Variants in NTM observed in about 807,000 individuals in gnomAD.
NTM encodes neurotrimin, also known as IgLON family member 2.
In NTM, 13 loss-of-function variants were observed where a neutral mutation model predicts 42.1. That is an observed-to-expected ratio of 0.31 (90% confidence interval 0.20 to 0.49). The LOEUF is 0.49. Ranked by LOEUF, NTM falls within the 20% of genes least tolerant of loss-of-function variation. The probability of loss-of-function intolerance (pLI) is 0.99; values close to 1 mark genes in which losing one functional copy is unlikely to be tolerated. For missense variants in NTM, 373 were observed against 452.8 expected (o/e 0.82, Z 1.60); for synonymous variants, 187 against 179.2 (o/e 1.04, Z -0.35).
chr11:131,990,151 G>A (rs1453399199), intron 2 of NTM, among the ~76,000 whole-genome samples: 2 of 151,990 alleles, frequency 1.3e-5, no homozygotes, highest in South Asian at 4.2e-4. Context: ...GAAAACCTAA[G>A]GCTGGAATTA....
intron 1 of NTM, chr11:131,660,878 G>T: frequency 4.0e-6 from 5 of 1,248,562 alleles, no homozygotes; most frequent in Non-Finnish European, 5.2e-6. Flanking sequence ...TGATTTCAAA[G>T]AACTTGTGTG....
Position 131,462,097 on chromosome 11 carries a change from GAAGA to G in NTM, c.82+91214_82+91217del, listed in dbSNP as rs550521710. Among the ~76,000 whole-genome samples the G allele has an allele frequency of 7.9e-5, 12 of 152,292 alleles. No homozygotes were observed. The South Asian group carries it at 2.3e-3, about 29-fold the overall frequency. On this transcript the variant is annotated intron_variant, in intron 1 of 8. Transcript: ENST00000683400. ...CAGCAAAATACTACTCAGCAATAAA[GAAGA>G]AAGAGTTGCTGATATTGTTACATGT...
intron 2 of NTM, among the ~76,000 whole-genome samples, chr11:132,047,036 A>C (rs2078118832): frequency 6.6e-6 from 1 of 152,228 alleles, no homozygotes; most frequent in African/African-American, 2.4e-5. Context: ...CTGGGCTCAG[A>C]GATCATTTCC....
At chr11:132,286,241 G>T (rs989094786) in intron 4 of NTM, among the ~76,000 whole-genome samples, 12 of 152,128 alleles carry the variant, frequency 7.9e-5, no homozygotes, top group African/African-American at 2.7e-4. Flanking sequence ...TAAAATAAGA[G>T]ACTCATTCAA....
At chr11:132,322,039 G>A (rs966601233) in intron 7 of NTM, among the ~76,000 whole-genome samples, 4 of 151,924 alleles carry the variant, frequency 2.6e-5, no homozygotes, top group Non-Finnish European at 4.4e-5. Context: ...TGCTAAACAT[G>A]GAAAGGAACA....
chr11:132,134,755 A>ATATATATATATATC (rs2067538628), intron 2 of NTM, among the ~76,000 whole-genome samples: 3 of 80,254 alleles, frequency 3.7e-5, no homozygotes, highest in Non-Finnish European at 7.4e-5. Flanking sequence ...ATATATATAT[A>ATATATATATATATC]TATATCTCAC....
chr11:132,088,419 C>T (rs1161438012), intron 2 of NTM, among the ~76,000 whole-genome samples: 7 of 152,158 alleles, frequency 4.6e-5, no homozygotes, highest in East Asian at 1.9e-4. Flanking sequence ...AGCTGAATCC[C>T]GGTTCTTATC....
chr11:132,016,101 GTT>G (rs558544499), intron 2 of NTM, among the ~76,000 whole-genome samples: 1 of 145,202 alleles, frequency 6.9e-6, no homozygotes, highest in Admixed American at 6.9e-5. Context: ...GTTGTTGAGA[GTT>G]TTTTTTTTTC....
intron 1 of NTM, among the ~76,000 whole-genome samples, chr11:131,400,632 G>T (rs1945031319): frequency 1.3e-5 from 2 of 152,150 alleles, no homozygotes. Context: ...GGAACACATT[G>T]TTACCTCCTT....
intron 3 of NTM, among the ~76,000 whole-genome samples, chr11:132,193,571 C>G (rs929764010): frequency 6.6e-6 from 1 of 151,918 alleles, no homozygotes; most frequent in East Asian, 1.9e-4. Flanking sequence ...AGAAAGATCT[C>G]AAATTAACAA....
intron 7 of NTM, among the ~76,000 whole-genome samples, chr11:132,323,252 G>A (rs1163642942): frequency 6.6e-6 from 1 of 151,412 alleles, no homozygotes; most frequent in East Asian, 1.9e-4. Context: ...CTGGTTTTTT[G>A]AAAGGATCAA....
intron 7 of NTM, among the ~76,000 whole-genome samples, chr11:132,323,668 TC>T (rs1363241038): frequency 6.6e-6 from 1 of 152,166 alleles, no homozygotes; most frequent in Admixed American, 6.5e-5. Flanking sequence ...CCTCCCTAAC[TC>T]ATTTTATGAG....
chr11:131,382,464 G>GA (rs1280391734), intron 1 of NTM, among the ~76,000 whole-genome samples: 1 of 151,980 alleles, frequency 6.6e-6, no homozygotes, highest in Admixed American at 6.6e-5. Context: ...ACCAGCTCTA[G>GA]AATGCATAGT....
chr11:132,329,264 A>G (rs923812924), intron 7 of NTM, among the ~76,000 whole-genome samples: 2 of 152,234 alleles, frequency 1.3e-5, no homozygotes, highest in African/African-American at 4.8e-5. Flanking sequence ...CTCTGTATCC[A>G]GGGTGAACGA....
chr11:132,068,596 T>A (rs2056877108), intron 2 of NTM, among the ~76,000 whole-genome samples: 1 of 152,256 alleles, frequency 6.6e-6, no homozygotes, highest in Admixed American at 6.5e-5. Flanking sequence ...CAAAGCCAGC[T>A]GCACATTTTT....
chr11:132,006,143 G>C (rs2070722990), intron 2 of NTM, among the ~76,000 whole-genome samples: 2 of 152,048 alleles, frequency 1.3e-5, no homozygotes, highest in South Asian at 4.1e-4. Context: ...AAGAGTGCTT[G>C]GTGTTCGCAT....
intron 1 of NTM, among the ~76,000 whole-genome samples, chr11:131,682,629 C>T (rs752563133): frequency 1.3e-5 from 2 of 152,244 alleles, no homozygotes; most frequent in Admixed American, 1.3e-4. Context: ...TTCTCACTTC[C>T]CCTGCAGGCC....
At chr11:132,113,771 C>T (rs2063533521) in intron 2 of NTM, among the ~76,000 whole-genome samples, 1 of 152,138 alleles carries the variant, frequency 6.6e-6, no homozygotes, top group South Asian at 2.1e-4. Flanking sequence ...TACAGTTGTG[C>T]TTCGAAGGAC....
At position 132,252,383 on chromosome 11, in the gene NTM, G is replaced by A. The variant is rs1276713229; in HGVS notation, c.526+40236G>A. Among the ~76,000 whole-genome samples, 6 of 152,142 alleles carry A rather than the reference G, an allele frequency of 3.9e-5. No homozygotes were observed. In the East Asian group the frequency reaches 1.2e-3, roughly 29 times the overall value. On this transcript the variant is annotated intron_variant, in intron 4 of 8. Transcript: ENST00000683400. The stretch of plus-strand genomic sequence containing the variant: ...TAAACAGTGAGCTGAAGCCAGGGCT[G>A]GCTGCAGGAATATCCCATACTGTTC...
Sources: gnomAD v4.1 joint callset for allele counts (sites outside exome capture counted in the v4.1 genomes callset) on GRCh38, gnomAD v4.1.1 for gene constraint, MANE v1.5 for transcripts, NCBI Gene and HGNC (gene_info 2026-07-23, HGNC 2026-07-21) for gene names.